CDH3: variants seen among roughly 807,000 people sequenced by gnomAD.
The protein encoded by CDH3 is cadherin 3.
A neutral mutation model predicts 82.0 loss-of-function variants in CDH3; 54 were observed. That is an observed-to-expected ratio of 0.66 (90% CI 0.53 to 0.83). The LOEUF (loss-of-function observed/expected upper bound fraction) is 0.83. Among genes scored for constraint, CDH3 ranks in the 40% least tolerant of loss-of-function variants. CDH3 has a pLI of 0.00. For missense variants in CDH3, 1,054 were observed against 1,084.6 expected (o/e 0.97, Z 0.40); for synonymous variants, 446 against 437.9 (o/e 1.02, Z -0.23).
intron 12 of CDH3, 45 bp from the exon 13 acceptor site, chr16:68,691,675 C>T (rs766248525): frequency 2.4e-5 from 35 of 1,468,718 alleles, no homozygotes; most frequent in Middle Eastern, 3.4e-4. Context: ...CTCAGATCCC[C>T]GCACTGATGG....
At chr16:68,690,630 C>T (rs551992126) in intron 12 of CDH3, among the ~76,000 whole-genome samples, 2 of 149,584 alleles carry the variant, frequency 1.3e-5, no homozygotes, top group African/African-American at 4.9e-5. Context: ...AATTGAAGGC[C>T]GGGCACCGTG....
At chr16:68,683,157 T>G (rs1961278092) in intron 9 of CDH3, among the ~76,000 whole-genome samples, 1 of 152,200 alleles carries the variant, frequency 6.6e-6, no homozygotes, top group African/African-American at 2.4e-5. Context: ...CTATGAAGAA[T>G]GGTGTGGTTT....
chr16:68,658,945 CGGTT>C (rs1456650367), intron 2 of CDH3, among the ~76,000 whole-genome samples: 1 of 151,988 alleles, frequency 6.6e-6, no homozygotes, highest in African/African-American at 2.4e-5. Flanking sequence ...TACATAGGGA[CGGTT>C]GGTTGGTTGG....
intron 1 of CDH3, among the ~76,000 whole-genome samples, chr16:68,716,586 A>C (rs2152110698): frequency 7.7e-6 from 1 of 130,384 alleles, no homozygotes; most frequent in East Asian, 2.2e-4. Context: ...ATGCCACTGC[A>C]CTCCAGCCTG....
chr16:68,678,327 A>C, intron 4 of CDH3, 50 bp downstream of exon 4: 1 of 1,608,056 alleles, frequency 6.2e-7, no homozygotes, highest in Non-Finnish European at 8.5e-7. Flanking sequence ...AGGGACCCCC[A>C]TCCAAAGGCC....
intron 2 of CDH3, among the ~76,000 whole-genome samples, chr16:68,673,795 C>T (rs183452707): frequency 1.1e-4 from 17 of 152,112 alleles, no homozygotes; most frequent in Non-Finnish European, 2.2e-4. Context: ...CATGGTGGTG[C>T]ACACCTGTAG....
Position 68,695,374 on chromosome 16 carries a change from G to C in CDH3, c.2122G>C (p.Glu708Gln). 6.2e-7 allele frequency: 1 copy of C among 1,611,588 alleles called. No individual in the cohort carries two copies. Among genetic ancestry groups the C allele is most frequent in the Non-Finnish European group, 8.5e-7 (1 of 1,178,940 alleles). Residue 708 changes from glutamate to glutamine, a missense_variant, in exon 14 of 16, where the codon GAA becomes CAA. By Grantham distance (29) the Glu-to-Gln change is conservative (BLOSUM62 2). Coordinates refer to ENST00000264012, the MANE Select transcript of CDH3 (RefSeq NM_001793.6). ...VFYYGEEGGG[E>Q]EDQDYDITQL... ...CTACTATGGCGAAGAGGGGGGTGGC[G>C]AAGAGGACCAGGTGGGGCACTGGGG...
At chr16:68,662,564 T>G (rs992942609) in intron 2 of CDH3, among the ~76,000 whole-genome samples, 6 of 113,062 alleles carry the variant, frequency 5.3e-5, no homozygotes, top group East Asian at 2.7e-4. Context: ...TTTTTTTTTT[T>G]GGAGATGGAG....
chr16:68,731,368 C>CA (rs869074059), downstream of CDH3, among the ~76,000 whole-genome samples: 20 of 2,284 alleles, frequency 8.8e-3, 5 homozygotes, highest in African/African-American at 0.02. Flanking sequence ...AACTCCGTCT[C>CA]AAAAAAAAAA....
At chr16:68,664,455 C>T (rs1960681350) in intron 2 of CDH3, among the ~76,000 whole-genome samples, 1 of 152,098 alleles carries the variant, frequency 6.6e-6, no homozygotes, top group African/African-American at 2.4e-5. Flanking sequence ...TCCCCAGATG[C>T]ACTTCCAGAA....
chr16:68,698,060 G>T (rs185584399), intron 15 of CDH3, 131 bp from the exon 16 acceptor site: 2 of 821,000 alleles, frequency 2.4e-6, no homozygotes, highest in South Asian at 2.8e-5. Flanking sequence ...CATGAATAAC[G>T]CATTCTTTCA....
chr16:68,717,378 G>C (rs768868175), intron 1 of CDH3, among the ~76,000 whole-genome samples: 1 of 152,192 alleles, frequency 6.6e-6, no homozygotes, highest in Non-Finnish European at 1.5e-5. Context: ...TTATAAAATG[G>C]TATGGCCACA....
intron 1 of CDH3, among the ~76,000 whole-genome samples, chr16:68,719,502 C>T (rs866820461): frequency 9.7e-4 from 72 of 74,480 alleles, no homozygotes; most frequent in Admixed American, 2.0e-3. Flanking sequence ...TGGAACTGTT[C>T]TTTTTTTTTT....
At chr16:68,706,064 CAAAAA>C (rs548695101) in intron 1 of CDH3, among the ~76,000 whole-genome samples, 1 of 70,598 alleles carries the variant, frequency 1.4e-5, no homozygotes. Context: ...GACTCCGTCT[CAAAAA>C]AAAAAAAAAA....
At position 68,681,737 on chromosome 16, in the gene CDH3, C is replaced by T. The variant is rs1286405486; in HGVS notation, c.997-565C>T. ...CCTGTAGTCCCAGCTACTTGGGAAGCTGAGACATGAGGATCGCTTGAGCTT... is the reference window on the plus strand; with the variant it reads ...CCTGTAGTCCCAGCTACTTGGGAAGTTGAGACATGAGGATCGCTTGAGCTT... On this transcript the variant is annotated intron_variant, in intron 8 of 15. Coordinates refer to ENST00000264012, the MANE Select transcript of CDH3 (RefSeq NM_001793.6). Among the ~76,000 whole-genome samples, 4 of 152,252 alleles carry T rather than the reference C, an allele frequency of 2.6e-5. No individual in the cohort carries two copies. In the South Asian group the frequency reaches 6.2e-4, roughly 24 times the overall value.
At chr16:68,725,500 A>AT (rs1161251506) in intron 2 of CDH3, among the ~76,000 whole-genome samples, 1 of 151,534 alleles carries the variant, frequency 6.6e-6, no homozygotes, top group Non-Finnish European at 1.5e-5. Flanking sequence ...CGCCTGGCTA[A>AT]TTTTTTGTAT....
At chr16:68,672,177 C>T (rs1038229291) in intron 2 of CDH3, among the ~76,000 whole-genome samples, 8 of 137,278 alleles carry the variant, frequency 5.8e-5, no homozygotes, top group South Asian at 2.3e-4. Context: ...TGGGCGACAG[C>T]GAGACTCCGT....
chr16:68,678,894 G>A lies in CDH3; in HGVS notation c.679G>A (p.Gly227Arg), dbSNP rs946811595. 1.2e-6 allele frequency: 2 copies of A among 1,613,646 alleles called. No individual in the cohort carries two copies. Among genetic ancestry groups the A allele is most frequent in the African/African-American group, 2.7e-5 (2 of 74,926 alleles). The stretch of plus-strand genomic sequence containing the variant: ...CACCTTCCGAGGGAGTGTCTTAGAG[G>A]GAGTCCTACCAGGTAAGAGGACTGG... ...QDTFRGSVLE[G>R]VLPGTSVMQV... The change falls in exon 6 of 16, where the codon GGA becomes AGA. Residue 227 changes from glycine (G) to arginine (R), a missense_variant. By Grantham distance (125) the Gly-to-Arg change is moderately radical (BLOSUM62 -2). Coordinates refer to ENST00000264012, the MANE Select transcript of CDH3 (RefSeq NM_001793.6).
intron 1 of CDH3, among the ~76,000 whole-genome samples, chr16:68,715,917 G>A (rs966387525): frequency 1.3e-5 from 2 of 152,182 alleles, no homozygotes; most frequent in African/African-American, 4.8e-5. Context: ...TTAAAGACCT[G>A]CCCATACAAT....
Sources: allele counts gnomAD v4.1 joint callset (sites outside exome capture counted in the v4.1 genomes callset), GRCh38; gene constraint gnomAD v4.1.1; transcripts MANE v1.5; gene names NCBI Gene and HGNC (gene_info 2026-07-23, HGNC 2026-07-21).